Variants in PML observed in about 807,000 individuals in gnomAD.
PML encodes PML nuclear body scaffold.
Under a neutral mutation model 65.2 loss-of-function variants are expected in PML, and 28 were observed. The ratio of observed to expected loss-of-function variants is 0.43; its 90% CI spans 0.32 to 0.59. PML has a LOEUF of 0.59. PML is among the 20% of genes least tolerant of loss of function. PML has a pLI of 0.08. For missense variants in PML, 1,021 were observed against 1,203.4 expected (o/e 0.85, Z 2.24); for synonymous variants, 500 against 508.8 (o/e 0.98, Z 0.23).
At chr15:74,013,537 A>G (rs562774796) in intron 2 of PML, among the ~76,000 whole-genome samples, 62 of 152,338 alleles carry the variant, frequency 4.1e-4, no homozygotes, top group Admixed American at 3.4e-3. Flanking sequence ...TGAATTTTGT[A>G]ACAAATTCCT....
chr15:74,044,593 C>G lies in PML; in HGVS notation c.2234C>G (p.Ala745Gly). ...AACATGAGCGAGCGCAGCGCCATGG[C>G]TGCCGTGCTGGCCATGCGTGACCTG... is the stretch of plus-strand genomic sequence containing the variant. ...ARNMSERSAM[A>G]AVLAMRDLCR... The change falls in exon 9 of 9, where the codon GCT becomes GGT. Residue 745 changes from alanine (A) to glycine (G), a missense_variant. By Grantham distance (60) the Ala-to-Gly change is moderately conservative. Coordinates refer to ENST00000268058, the MANE Select transcript of PML (RefSeq NM_033238.3). 1 of 1,608,998 alleles carries G rather than the reference C, an allele frequency of 6.2e-7. No homozygotes were observed. Among genetic ancestry groups the G allele is most frequent in the African/African-American group, 1.3e-5 (1 of 75,064 alleles).
rs2071620857 is a variant in PML at position 74,038,393 on chromosome 15, ATT to A, written c.1710+3864_1710+3865del. On this transcript the variant is annotated intron_variant, in intron 7 of 8. Transcript: ENST00000268058. Reference sequence around the variant, plus strand: ...AAAAGCACATTTCAGGTGATGATGAATTAAATACCTAGGAGCTCACATTAGAG... The same window carrying A: ...AAAAGCACATTTCAGGTGATGATGAAAAATACCTAGGAGCTCACATTAGAG... Among the ~76,000 whole-genome samples, 5 of 152,116 alleles carry A rather than the reference ATT, an allele frequency of 3.3e-5. No individual in the cohort carries two copies. The South Asian group carries it at 1.0e-3, about 32-fold the overall frequency.
chr15:74,002,531 C>T (rs1314917094), intron 2 of PML, among the ~76,000 whole-genome samples: 4 of 147,176 alleles, frequency 2.7e-5, no homozygotes, highest in African/African-American at 7.5e-5. Context: ...GCAACCTCCT[C>T]CTCCCGGGTT....
intron 2 of PML, among the ~76,000 whole-genome samples, chr15:74,021,979 C>G (rs762462548): frequency 7.9e-5 from 12 of 152,038 alleles, no homozygotes; most frequent in Non-Finnish European, 1.6e-4. Context: ...TTTTTTGAGA[C>G]GGAGTTTTGC....
intron 2 of PML, among the ~76,000 whole-genome samples, chr15:74,000,762 T>C (rs186793733): frequency 1.6e-4 from 25 of 152,322 alleles, no homozygotes; most frequent in Middle Eastern, 3.4e-3. Context: ...ATATTTTTGA[T>C]CCAAGATTTG....
chr15:74,041,746 ACTTGGGCATTGGAAGGGT>A (rs1489694734), intron 7 of PML, among the ~76,000 whole-genome samples: 7 of 152,226 alleles, frequency 4.6e-5, no homozygotes, highest in African/African-American at 1.4e-4. Context: ...CAGATGTTTC[ACTTGGGCATTGGAAGGGT>A]CTGGGGAAAT....
intron 2 of PML, among the ~76,000 whole-genome samples, chr15:74,016,632 C>G (rs1403683210): frequency 6.6e-6 from 1 of 152,016 alleles, no homozygotes; most frequent in Admixed American, 6.5e-5. Context: ...AAAGAGGAAA[C>G]TACTATCACT....
rs191612986 is a variant in PML at position 74,047,692 on chromosome 15, A to G, written c.*2684A>G. ...CTTCAAGGGATCTTTGTGGGAACCA[A>G]TGAGAAAATGTGTGTGAAGATAGCT... On this transcript the variant is annotated 3_prime_UTR_variant, in exon 9 of 9. Transcript: ENST00000268058. 9.0e-5 allele frequency: 18 copies of G among 199,430 alleles called. No homozygotes were observed. Among genetic ancestry groups the G allele is most frequent in the African/African-American group, 3.0e-4 (13 of 43,520 alleles). 12.4% of individuals were successfully genotyped at this position (199,430 alleles called of 1,614,324 possible).
chr15:73,998,008 C>G lies in PML; in HGVS notation c.134C>G (p.Ala45Gly). The G allele has an allele frequency of 1.2e-6, 2 of 1,611,750 alleles. No individual in the cohort carries two copies. The highest frequency in any genetic ancestry group is 2.2e-5 in the South Asian group (2 of 90,988). ...CCTGCCTCTCTGGTCCCCCAGCGAG[C>G]CCCCGCTTCGGAGGAGGAGTTCCAG... ...PSPSPSPTER[A>G]PASEEEFQFL... The change falls in exon 2 of 9, where the codon GCC becomes GGC. Residue 45 changes from alanine (A) to glycine (G), a missense_variant. Ala to Gly is a moderately conservative substitution (Grantham distance 60, BLOSUM62 0). Coordinates refer to ENST00000268058, the MANE Select transcript of PML (RefSeq NM_033238.3).
intron 6 of PML, 155 bp downstream of exon 6, chr15:74,033,569 G>C (rs1327644638): frequency 7.3e-6 from 6 of 822,948 alleles, no homozygotes; most frequent in Non-Finnish European, 8.1e-6. Flanking sequence ...GTGTGCGTGG[G>C]GGTGAGAGTG....
intron 2 of PML, among the ~76,000 whole-genome samples, chr15:73,998,868 C>T (rs561468373): frequency 6.6e-6 from 1 of 152,258 alleles, no homozygotes; most frequent in Middle Eastern, 3.4e-3. Context: ...CACGGAATCT[C>T]AGTAAGGCTG....
At chr15:74,025,591 C>G (rs140261076) in intron 4 of PML, 2 of 154,698 alleles carry the variant, frequency 1.3e-5, no homozygotes, top group Admixed American at 6.3e-5. Flanking sequence ...TGCAGCACCC[C>G]TGACCTGTGG....
intron 2 of PML, among the ~76,000 whole-genome samples, chr15:74,016,792 CTTTTTTTTT>C (rs535665071): frequency 2.6e-5 from 2 of 77,646 alleles, no homozygotes; most frequent in Non-Finnish European, 4.8e-5. Flanking sequence ...GCAGTGGCAT[CTTTTTTTTT>C]TTTTTTTTTT....
chr15:73,999,880 G>C (rs2069679646), intron 2 of PML, among the ~76,000 whole-genome samples: 1 of 148,452 alleles, frequency 6.7e-6, no homozygotes, highest in South Asian at 2.1e-4. Flanking sequence ...TGTCACCCAG[G>C]CTGGAGTGCA....
intron 4 of PML, among the ~76,000 whole-genome samples, chr15:74,032,239 G>T (rs1292696165): frequency 6.6e-6 from 1 of 152,132 alleles, no homozygotes; most frequent in Non-Finnish European, 1.5e-5. Context: ...CTCAGAGTCA[G>T]AAGGAGGTGA....
At chr15:74,003,006 G>C (rs972737154) in intron 2 of PML, among the ~76,000 whole-genome samples, 1 of 152,048 alleles carries the variant, frequency 6.6e-6, no homozygotes, top group Non-Finnish European at 1.5e-5. Flanking sequence ...CATGCCTCTC[G>C]TCCCAGCTAT....
intron 7 of PML, among the ~76,000 whole-genome samples, chr15:74,036,832 C>T (rs1476780329): frequency 3.9e-5 from 6 of 152,194 alleles, no homozygotes; most frequent in Admixed American, 6.5e-5. Flanking sequence ...CTGCCTGCCC[C>T]GTGGCCGTGC....
chr15:74,028,062 G>C (rs2071159810), intron 4 of PML: 1 of 152,240 alleles, frequency 6.6e-6, no homozygotes. Context: ...AAGAGATGAA[G>C]AGAAAGCTCA....
intron 2 of PML, among the ~76,000 whole-genome samples, chr15:74,008,808 C>T (rs2070187820): frequency 6.6e-6 from 1 of 151,708 alleles, no homozygotes; most frequent in South Asian, 2.1e-4. Flanking sequence ...GAGCCTCTCT[C>T]TGCACTCTGG....
Sources: allele counts gnomAD v4.1 joint callset (sites outside exome capture counted in the v4.1 genomes callset), GRCh38; gene constraint gnomAD v4.1.1; transcripts MANE v1.5; gene names NCBI Gene and HGNC (gene_info 2026-07-23, HGNC 2026-07-21).